The following STXBP5L variants were observed in gnomAD, a reference collection of about 807,000 sequenced individuals.
STXBP5L encodes syntaxin binding protein 5L, also known as syntaxin-binding protein 5-like.
STXBP5L carries 65 observed loss-of-function variants against 144.5 expected under a neutral mutation model. The ratio of observed to expected loss-of-function variants is 0.45; its 90% CI spans 0.37 to 0.55. STXBP5L has a LOEUF of 0.55. Among genes scored for constraint, STXBP5L ranks in the 20% least tolerant of loss-of-function variants. The pLI is 0.00. For synonymous variants in STXBP5L, 505 were observed against 469.6 expected (o/e 1.08, Z -0.97); for missense variants, 1,298 against 1,405.5 (o/e 0.92, Z 1.22).
intron 11 of STXBP5L, among the ~76,000 whole-genome samples, chr3:121,229,660 A>G (rs527245091): frequency 5.7e-4 from 87 of 152,150 alleles, no homozygotes; most frequent in Middle Eastern, 3.4e-3. Context: ...GGCTCAAGCA[A>G]TCCTCTCACC....
chr3:120,968,926 C>A (rs778241566), intron 3 of STXBP5L, among the ~76,000 whole-genome samples: 1 of 151,978 alleles, frequency 6.6e-6, no homozygotes, highest in East Asian at 1.9e-4. Flanking sequence ...GCCATTTTTT[C>A]TTTATCTACT....
chr3:120,984,460 A>G (rs762324072), intron 3 of STXBP5L, among the ~76,000 whole-genome samples: 1 of 151,916 alleles, frequency 6.6e-6, no homozygotes, highest in Non-Finnish European at 1.5e-5. Flanking sequence ...GATCTCCTGC[A>G]TGCTGACTTT....
intron 3 of STXBP5L, among the ~76,000 whole-genome samples, chr3:121,031,441 T>C (rs183230397): frequency 4.6e-5 from 7 of 152,130 alleles, no homozygotes; most frequent in African/African-American, 1.4e-4. Flanking sequence ...TTTTAAGAAA[T>C]TGGCTCACAC....
chr3:121,116,803 C>T lies in STXBP5L; in HGVS notation c.605+1744C>T, dbSNP rs533769172. On this transcript the variant is annotated intron_variant, in intron 6 of 26. Transcript: ENST00000471454. Reference sequence around the variant, plus strand: ...TAGTCCTATAAAAGCAATAAAAGGGCTGAATTTTAATAGTTTTACATAATA... The same window carrying T: ...TAGTCCTATAAAAGCAATAAAAGGGTTGAATTTTAATAGTTTTACATAATA... Among the ~76,000 whole-genome samples the T allele has an allele frequency of 5.9e-5, 9 of 152,010 alleles. No homozygotes were observed. The South Asian group carries it at 6.2e-4, about 11-fold the overall frequency.
chr3:121,060,529 A>G (rs1359086356), intron 5 of STXBP5L, among the ~76,000 whole-genome samples: 1 of 152,224 alleles, frequency 6.6e-6, no homozygotes. Context: ...ATTGTTTGGA[A>G]TAGTTTCAGA....
In STXBP5L at chr3:121,250,779, C is replaced by T. The variant is rs772042325; in HGVS notation, c.1441+16C>T. ...GCTTCTGCAAGTAAGTTTCAAGTTT[C>T]TGTACAACAGAAACCAATTGGTTAA... is the stretch of plus-strand genomic sequence containing the variant. On this transcript the variant is annotated intron_variant, in intron 15 of 26. Coordinates refer to ENST00000471454, the MANE Select transcript of STXBP5L (RefSeq NM_001308330.2). 5 of 1,607,794 alleles carry T rather than the reference C, an allele frequency of 3.1e-6. No homozygotes were observed. Among genetic ancestry groups the T allele is most frequent in the Non-Finnish European group, 3.4e-6 (4 of 1,176,334 alleles).
rs991469954 is a variant in STXBP5L at position 121,045,670 on chromosome 3, A to G, written c.470+135A>G. On this transcript the variant is annotated intron_variant, in intron 5 of 26. Transcript: ENST00000471454. ...TAATTTAATGTTTATGCTTACTTTC[A>G]TAGTGTTTTCTTTTTTGTAGAAAAT... is the stretch of plus-strand genomic sequence containing the variant. 3.1e-5 allele frequency: 24 copies of G among 785,580 alleles called. No individual in the cohort carries two copies. In the East Asian group the frequency reaches 3.9e-4, roughly 13 times the overall value. 48.7% of individuals were successfully genotyped at this position (785,580 alleles called of 1,614,324 possible).
intron 3 of STXBP5L, among the ~76,000 whole-genome samples, chr3:120,986,586 T>G (rs1404220635): frequency 6.6e-6 from 1 of 151,968 alleles, no homozygotes; most frequent in South Asian, 2.1e-4. Context: ...TTTGTTAATA[T>G]GTAATTACTT....
intron 3 of STXBP5L, among the ~76,000 whole-genome samples, chr3:120,971,374 C>A (rs1360445341): frequency 1.6e-5 from 2 of 123,142 alleles, no homozygotes; most frequent in Non-Finnish European, 1.6e-5. Flanking sequence ...TTCACCCGCA[C>A]CCCCCCCAAC....
intron 22 of STXBP5L, among the ~76,000 whole-genome samples, chr3:121,396,153 T>C (rs2108720863): frequency 6.6e-6 from 1 of 152,386 alleles, no homozygotes; most frequent in Non-Finnish European, 1.5e-5. Context: ...GCTGATAACA[T>C]CTGGCCTTTG....
intron 3 of STXBP5L, among the ~76,000 whole-genome samples, chr3:121,021,010 C>T (rs1358009689): frequency 6.6e-6 from 1 of 152,088 alleles, no homozygotes; most frequent in East Asian, 1.9e-4. Context: ...CAAGTATCTG[C>T]TGTCTTTGAG....
At chr3:121,009,003 C>A (rs1447898759) in intron 3 of STXBP5L, among the ~76,000 whole-genome samples, 1 of 151,158 alleles carries the variant, frequency 6.6e-6, no homozygotes, top group Non-Finnish European at 1.5e-5. Flanking sequence ...AGCTTGGATT[C>A]TTCTGACTGG....
intron 18 of STXBP5L, among the ~76,000 whole-genome samples, chr3:121,259,879 T>A (rs1055792477): frequency 2.9e-4 from 44 of 151,986 alleles, no homozygotes; most frequent in Middle Eastern, 6.3e-3. Context: ...CCAGAAAGTA[T>A]CTACATTTCC....
intron 23 of STXBP5L, among the ~76,000 whole-genome samples, chr3:121,412,727 C>CAAAAAAAAAAAAAAAAAAAAAACA (rs2047142895): frequency 1.4e-5 from 1 of 69,592 alleles, no homozygotes; most frequent in Non-Finnish European, 2.6e-5. Context: ...TTTCTCCCTC[C>CAAAAAAAAAAAAAAAAAAAAAACA]AAAAAAAAAA....
At chr3:121,147,142 G>A (rs1409704874) in intron 7 of STXBP5L, among the ~76,000 whole-genome samples, 1 of 152,000 alleles carries the variant, frequency 6.6e-6, no homozygotes, top group Non-Finnish European at 1.5e-5. Context: ...TATGTATATA[G>A]TACTAGCAGA....
chr3:121,207,680 A>G (rs1300959427), intron 10 of STXBP5L, among the ~76,000 whole-genome samples: 2 of 152,226 alleles, frequency 1.3e-5, no homozygotes, highest in Admixed American at 1.3e-4. Context: ...AAGGACATGA[A>G]CAGACATTTC....
chr3:121,096,894 C>A (rs181657447), intron 5 of STXBP5L, among the ~76,000 whole-genome samples: 1 of 152,304 alleles, frequency 6.6e-6, no homozygotes, highest in East Asian at 1.9e-4. Context: ...CCACTGCTCT[C>A]TTCAGAGCTG....
intron 20 of STXBP5L, among the ~76,000 whole-genome samples, chr3:121,354,320 C>A (rs777865539): frequency 2.0e-5 from 3 of 152,052 alleles, no homozygotes; most frequent in Non-Finnish European, 4.4e-5. Flanking sequence ...GAGCCTAAGT[C>A]TCTTTGTATA....
chr3:121,367,187 C>T (rs1380857082), intron 20 of STXBP5L, among the ~76,000 whole-genome samples: 3 of 152,140 alleles, frequency 2.0e-5, no homozygotes, highest in Admixed American at 1.3e-4. Context: ...GTTCCAATAA[C>T]ACTAGCTTGT....
Sources: allele counts gnomAD v4.1 joint callset (sites outside exome capture counted in the v4.1 genomes callset), GRCh38; gene constraint gnomAD v4.1.1; transcripts MANE v1.5; gene names NCBI Gene and HGNC (gene_info 2026-07-23, HGNC 2026-07-21).